Variants in PHACTR2 observed in about 807,000 individuals in gnomAD.
PHACTR2 encodes the protein phosphatase and actin regulator 2.
PHACTR2 carries 30 observed loss-of-function variants against 76.0 expected under a neutral mutation model. That is an observed-to-expected ratio of 0.39 (90% CI 0.30 to 0.54). The LOEUF (loss-of-function observed/expected upper bound fraction) is 0.54, where lower values mean the gene tolerates loss of function less well. Ranked by LOEUF, PHACTR2 falls within the 20% of genes least tolerant of loss-of-function variation. The pLI, the probability that PHACTR2 is intolerant of heterozygous loss-of-function variation, is 0.61. For missense variants in PHACTR2, 696 were observed against 781.1 expected (o/e 0.89, Z 1.30); for synonymous variants, 292 against 292.5 (o/e 1.00, Z 0.02).
intron 1 of PHACTR2, among the ~76,000 whole-genome samples, chr6:143,628,930 T>C (rs1439344392): frequency 4.9e-4 from 2 of 4,058 alleles, no homozygotes; most frequent in African/African-American, 6.4e-4. Flanking sequence ...AGGAGATATA[T>C]ATATATATAT....
At chr6:143,732,969 G>T (rs1381017343) in intron 2 of PHACTR2, among the ~76,000 whole-genome samples, 2 of 152,070 alleles carry the variant, frequency 1.3e-5, no homozygotes, top group Non-Finnish European at 2.9e-5. Flanking sequence ...TTCTACTGCA[G>T]CCTCTAACTC....
rs746475776 is a variant in PHACTR2, at chr6:143,647,704, C to A, written c.13+39382C>A. On this transcript the variant is annotated intron_variant, in intron 1 of 11. Coordinates refer to the PHACTR2 transcript ENST00000305766. The surrounding 1 kb of genome is among the most constrained non-coding windows in gnomAD (Gnocchi z 4.2). Reference sequence around the variant, plus strand: ...TTGGTTGAAGTGAGGGAGGAGGAAACCTTGCAGATATCTTGGGAGAAGAGC... The same window carrying A: ...TTGGTTGAAGTGAGGGAGGAGGAAAACTTGCAGATATCTTGGGAGAAGAGC... Among the ~76,000 whole-genome samples the A allele has an allele frequency of 1.3e-5, 2 of 152,072 alleles. No homozygotes were observed. The highest frequency in any genetic ancestry group is 2.9e-5 in the Non-Finnish European group (2 of 68,028).
At chr6:143,551,763 T>C (rs979385009) in intron 1 of PHACTR2, among the ~76,000 whole-genome samples, 1 of 152,076 alleles carries the variant, frequency 6.6e-6, no homozygotes, top group African/African-American at 2.4e-5. Context: ...ATATGTTAAT[T>C]TTGTTATCTG....
intron 1 of PHACTR2, among the ~76,000 whole-genome samples, chr6:143,649,317 G>T (rs1366432475): frequency 6.6e-6 from 1 of 152,276 alleles, no homozygotes; most frequent in East Asian, 1.9e-4. Context: ...GCTTTAAAAT[G>T]CTGGTAAACA....
chr6:143,822,667 T>C lies in PHACTR2; in HGVS notation c.1923-1007T>C, dbSNP rs934143760. Among the ~76,000 whole-genome samples the C allele has an allele frequency of 2.0e-5, 3 of 152,194 alleles. No homozygotes were observed. The highest frequency in any genetic ancestry group is 7.2e-5 in the African/African-American group (3 of 41,446). On this transcript the variant is annotated intron_variant, in intron 12 of 12. Coordinates refer to ENST00000440869, the MANE Select transcript of PHACTR2 (RefSeq NM_001100164.2). This position sits in a 1 kb window ranked among gnomAD's most constrained non-coding sequence, Gnocchi z 5.5. Reference sequence around the variant, plus strand: ...TGACCAGAGCAGATGAGCATTCGACTGTAGAAGACAGAGTGAAATGCTAGG... The same window carrying C: ...TGACCAGAGCAGATGAGCATTCGACCGTAGAAGACAGAGTGAAATGCTAGG...
At chr6:143,635,316 ATGTGTGTGTGTGTGTGTG>A (rs71834478) in intron 1 of PHACTR2, among the ~76,000 whole-genome samples, 1 of 149,926 alleles carries the variant, frequency 6.7e-6, no homozygotes, top group African/African-American at 2.4e-5. Context: ...AGCATTTAGG[ATGTGTGTGTGTGTGTGTG>A]TGTGTGTGTG....
chr6:143,771,194 G>GTATATATATATATATA (rs769993035), intron 6 of PHACTR2, among the ~76,000 whole-genome samples: 2 of 40,460 alleles, frequency 4.9e-5, no homozygotes, highest in Non-Finnish European at 9.2e-5. Flanking sequence ...ATATATGTGT[G>GTATATATATATATATA]TATATATATA....
intron 2 of PHACTR2, among the ~76,000 whole-genome samples, chr6:143,726,291 A>T (rs9496758): frequency 0.029 from 4,345 of 152,286 alleles, 205 homozygotes; most frequent in African/African-American, 0.099. Context: ...AGGTAAAAAC[A>T]TTTGTCATAA....
chr6:143,623,797 T>A lies in PHACTR2; in HGVS notation c.13+15475T>A, dbSNP rs2128440579. ...ACTCTAGACTTTTCTATTTTTGGTTTTGTTTGTACAGTCATTGTGTCCTGC... is the reference window on the plus strand; with the variant it reads ...ACTCTAGACTTTTCTATTTTTGGTTATGTTTGTACAGTCATTGTGTCCTGC... On this transcript the variant is annotated intron_variant, in intron 1 of 11. Transcript: ENST00000305766. This position sits in a 1 kb window ranked among gnomAD's most constrained non-coding sequence, Gnocchi z 5.9. Among the ~76,000 whole-genome samples, 1 of 152,360 alleles carries A rather than the reference T, an allele frequency of 6.6e-6. No individual in the cohort carries two copies. The highest frequency in any genetic ancestry group is 1.9e-4 in the East Asian group (1 of 5,194).
In PHACTR2 at chr6:143,592,199, G is replaced by C. The variant is rs578179160; in HGVS notation, c.217+54992G>C. Among the ~76,000 whole-genome samples the C allele has an allele frequency of 5.3e-5, 8 of 152,296 alleles. No homozygotes were observed. In the East Asian group the frequency reaches 1.5e-3, roughly 29 times the overall value. On this transcript the variant is annotated intron_variant, in intron 1 of 11. Coordinates refer to the PHACTR2 transcript ENST00000367584. The surrounding 1 kb of genome is among the most constrained non-coding windows in gnomAD (Gnocchi z 4.0). ...ATGGTAACTAATAGTTCGTTAGCTTGATTTACAGCTTTTAAATATTTAGGC... is the reference window on the plus strand; with the variant it reads ...ATGGTAACTAATAGTTCGTTAGCTTCATTTACAGCTTTTAAATATTTAGGC...
Position 143,776,042 on chromosome 6 carries a change from T to C in PHACTR2, c.1590-1286T>C, listed in dbSNP as rs368267670. On this transcript the variant is annotated intron_variant, in intron 8 of 12. Coordinates refer to ENST00000440869, the MANE Select transcript of PHACTR2 (RefSeq NM_001100164.2). This position sits in a 1 kb window ranked among gnomAD's most constrained non-coding sequence, Gnocchi z 5.3. ...GCTACTCAGGAGGCTGAGGCAGTAATTTTGGAGGCAGAGGTTGCAGTGAGC... is the reference window on the plus strand; with the variant it reads ...GCTACTCAGGAGGCTGAGGCAGTAACTTTGGAGGCAGAGGTTGCAGTGAGC... Among the ~76,000 whole-genome samples, 1 of 152,038 alleles carries C rather than the reference T, an allele frequency of 6.6e-6. No individual in the cohort carries two copies. The highest frequency in any genetic ancestry group is 1.5e-5 in the Non-Finnish European group (1 of 67,992).
rs1282253587 is a variant in PHACTR2, at chr6:143,688,622, T to TA, written c.46+10414dup. On this transcript the variant is annotated intron_variant, in intron 1 of 12. Transcript: ENST00000440869. The surrounding 1 kb of genome is among the most constrained non-coding windows in gnomAD (Gnocchi z 5.2). ...TTATTCTAGCCCAAGATCTAGGAGTTATTCTTAAGTTTTCCTTTCCCCCTC... is the reference window on the plus strand; with the variant it reads ...TTATTCTAGCCCAAGATCTAGGAGTTAATTCTTAAGTTTTCCTTTCCCCCTC... 1.3e-5 allele frequency among the ~76,000 whole-genome samples: 2 copies of TA among 152,230 alleles called. No individual in the cohort carries two copies. Among genetic ancestry groups the TA allele is most frequent in the Non-Finnish European group, 2.9e-5 (2 of 68,042 alleles).
rs962683867 is a variant in PHACTR2, at chr6:143,822,914, G to C, written c.1923-760G>C. Among the ~76,000 whole-genome samples, 1 of 152,228 alleles carries C rather than the reference G, an allele frequency of 6.6e-6. No individual in the cohort carries two copies. Among genetic ancestry groups the C allele is most frequent in the African/African-American group, 2.4e-5 (1 of 41,452 alleles). ...CACAAGGAGGGAAAGGAAGCCAGCT[G>C]GCTGGCTAACAAGCATACCGTAAAA... is the stretch of plus-strand genomic sequence containing the variant. On this transcript the variant is annotated intron_variant, in intron 12 of 12. Coordinates refer to ENST00000440869, the MANE Select transcript of PHACTR2 (RefSeq NM_001100164.2). This position sits in a 1 kb window ranked among gnomAD's most constrained non-coding sequence, Gnocchi z 5.5.
At position 143,714,637 on chromosome 6, in the gene PHACTR2, C is replaced by T. The variant is rs551421078; in HGVS notation, c.214+2454C>T. 8.5e-5 allele frequency among the ~76,000 whole-genome samples: 13 copies of T among 152,306 alleles called. No homozygotes were observed. The South Asian group carries it at 2.7e-3, about 32-fold the overall frequency. ...AGCAGAAAGTTTCCAATATCTTCAACTCTGATTTAGGCTGTTCAGTGTCTG... is the reference window on the plus strand; with the variant it reads ...AGCAGAAAGTTTCCAATATCTTCAATTCTGATTTAGGCTGTTCAGTGTCTG... On this transcript the variant is annotated intron_variant, in intron 2 of 12. Coordinates refer to ENST00000440869, the MANE Select transcript of PHACTR2 (RefSeq NM_001100164.2).
chr6:143,678,187 G>A lies in PHACTR2; in HGVS notation c.24G>A (p.Thr8=). The A allele has an allele frequency of 1.9e-6, 3 of 1,538,684 alleles. No homozygotes were observed. The highest frequency in any genetic ancestry group is 2.6e-6 in the Non-Finnish European group (3 of 1,141,882). Residue 8 remains threonine, a synonymous_variant, in exon 1 of 13, where the codon ACG becomes ACA. Coordinates refer to ENST00000440869, the MANE Select transcript of PHACTR2 (RefSeq NM_001100164.2). The surrounding 1 kb of genome is among the most constrained non-coding windows in gnomAD (Gnocchi z 6.2). MGQTSVS[T]LSPQPGSVDG... is the part of the protein sequence containing the mutation. ...TCATGGGCCAGACCTCGGTGTCCAC[G>A]CTGTCCCCGCAGCCCGGCAGCGGTG...
At chr6:143,579,828 CACATTT>C (rs1305494324) in intron 1 of PHACTR2, among the ~76,000 whole-genome samples, 2 of 152,154 alleles carry the variant, frequency 1.3e-5, no homozygotes, top group Non-Finnish European at 2.9e-5. Flanking sequence ...GGAATCCAGG[CACATTT>C]AGCTGGGCCC....
In PHACTR2 at chr6:143,777,180, C is replaced by G. The variant is rs541784483; in HGVS notation, c.1590-148C>G. Reference sequence around the variant, plus strand: ...TCAGCCATGATCTGTAGTCTCCAAACTAATGGGAAGGAGACTTTTATTTTG... The same window carrying G: ...TCAGCCATGATCTGTAGTCTCCAAAGTAATGGGAAGGAGACTTTTATTTTG... On this transcript the variant is annotated intron_variant, in intron 8 of 12. Transcript: ENST00000440869. This position sits in a 1 kb window ranked among gnomAD's most constrained non-coding sequence, Gnocchi z 4.6. The G allele has an allele frequency of 2.4e-5, 13 of 536,266 alleles. 1 individual carries two copies. The highest frequency in any genetic ancestry group is 6.6e-6 in the Non-Finnish European group (2 of 304,326). 33.2% of individuals were successfully genotyped at this position (536,266 alleles called of 1,614,324 possible).
chr6:143,788,822 G>A lies in PHACTR2; in HGVS notation c.1757G>A (p.Arg586Gln), dbSNP rs750247740. 13 of 1,613,572 alleles carry A rather than the reference G, an allele frequency of 8.1e-6. No homozygotes were observed. In the South Asian group the frequency reaches 1.1e-4, roughly 14 times the overall value. Reference protein sequence around the residue: ...VAELQARRILRFNEYVEVTDS... With the variant: ...VAELQARRILQFNEYVEVTDS... ...GAGCTACAAGCTCGAAGGATCCTGC[G>A]ATTTAACGAGTATGTAGAAGTCACG... Residue 586 changes from arginine to glutamine, a missense_variant, in exon 11 of 13, where the codon CGA becomes CAA. Transcript: ENST00000440869.
At position 143,547,233 on chromosome 6, in the gene PHACTR2, A is replaced by G. The variant is rs1166006410; in HGVS notation, c.217+10026A>G. Among the ~76,000 whole-genome samples the G allele has an allele frequency of 1.3e-5, 2 of 152,218 alleles. No individual in the cohort carries two copies. Among genetic ancestry groups the G allele is most frequent in the African/African-American group, 4.8e-5 (2 of 41,456 alleles). On this transcript the variant is annotated intron_variant, in intron 1 of 11. Coordinates refer to the PHACTR2 transcript ENST00000367584. The surrounding 1 kb of genome is among the most constrained non-coding windows in gnomAD (Gnocchi z 4.2). ...ATATTTTTATCCTCTTGCCCTAACT[A>G]TACCTCAATTGTAGCTCTTTCTAAA...
Sources: allele counts gnomAD v4.1 joint callset (sites outside exome capture counted in the v4.1 genomes callset), GRCh38; gene constraint gnomAD v4.1.1; non-coding constraint Gnocchi (gnomAD v3.1); transcripts MANE v1.5; gene names NCBI Gene and HGNC (gene_info 2026-07-23, HGNC 2026-07-21).